Variants in EPS15L1 observed in about 807,000 individuals in gnomAD.
EPS15L1 encodes epidermal growth factor receptor substrate 15-like 1.
A neutral mutation model predicts 117.1 loss-of-function variants in EPS15L1; 43 were observed. The ratio of observed to expected loss-of-function variants is 0.37; its 90% CI spans 0.29 to 0.47. The LOEUF is 0.47. Among genes scored for constraint, EPS15L1 ranks in the 20% least tolerant of loss-of-function variants. The pLI, the probability that EPS15L1 is intolerant of heterozygous loss-of-function variation, is 0.99. For synonymous variants in EPS15L1, 459 were observed against 470.5 expected, an observed-to-expected ratio of 0.98 and a Z score of 0.32; for missense variants, 981 against 1,164.0, an observed-to-expected ratio of 0.84 and a Z score of 2.29.
rs571414297 is a variant in EPS15L1, at chr19:16,451,705, T to A, written c.34-9486A>T. Among the ~76,000 whole-genome samples, 78 of 151,480 alleles carry A rather than the reference T, an allele frequency of 5.1e-4. 2 individuals are homozygous for A. In the South Asian group the frequency reaches 0.016, roughly 30 times the overall value. On this transcript the variant is annotated intron_variant, in intron 1 of 23. Coordinates refer to ENST00000455140, the MANE Select transcript of EPS15L1 (RefSeq NM_001258374.3). ...CACCTCACTCGTCTAATTTTTTGTA[T>A]TTTTTAGTAGAGACAGGGTTTCACC...
chr19:16,431,064 C>G (rs999734315), intron 7 of EPS15L1, among the ~76,000 whole-genome samples: 3 of 151,838 alleles, frequency 2.0e-5, no homozygotes, highest in African/African-American at 7.3e-5. Context: ...CATGGTGAAA[C>G]CCTATCTCTA....
At position 16,404,786 on chromosome 19, in the gene EPS15L1, A is replaced by C; in HGVS notation, c.1267-37T>G. 2.5e-6 allele frequency: 4 copies of C among 1,608,060 alleles called. No individual in the cohort carries two copies. The highest frequency in any genetic ancestry group is 3.4e-6 in the Non-Finnish European group (4 of 1,175,226). On this transcript the variant is annotated intron_variant, in intron 13 of 23. Coordinates refer to ENST00000455140, the MANE Select transcript of EPS15L1 (RefSeq NM_001258374.3). This position sits in a 1 kb window ranked among gnomAD's most constrained non-coding sequence, Gnocchi z 4.2. ...TTGCAGGGGTTTACGTGAGGATGGG[A>C]AAAATGAAGCATGTCCAAGATAACG...
At chr19:16,403,237 C>G (rs376405108) in intron 15 of EPS15L1, among the ~76,000 whole-genome samples, 96 of 152,272 alleles carry the variant, frequency 6.3e-4, no homozygotes, top group African/African-American at 1.1e-3. Context: ...AGCGCCCCCC[C>G]CTGGACTGGG....
At chr19:16,430,426 A>C (rs1277155913) in intron 7 of EPS15L1, among the ~76,000 whole-genome samples, 1 of 152,204 alleles carries the variant, frequency 6.6e-6, no homozygotes, top group Admixed American at 6.5e-5. Flanking sequence ...AACCAAGGTG[A>C]CTTCCCAACC....
At chr19:16,377,836 C>T (rs1281841303) in intron 21 of EPS15L1, among the ~76,000 whole-genome samples, 2 of 152,208 alleles carry the variant, frequency 1.3e-5, no homozygotes, top group Admixed American at 6.5e-5. Flanking sequence ...CCCGGCCACC[C>T]GCACTGGTCA....
intron 16 of EPS15L1, among the ~76,000 whole-genome samples, chr19:16,397,400 T>C (rs2092551812): frequency 6.6e-6 from 1 of 152,176 alleles, no homozygotes; most frequent in Non-Finnish European, 1.5e-5. Context: ...GTTTGTCTAT[T>C]TTACCTGAAA....
chr19:16,406,073 G>A (rs1432784824), intron 13 of EPS15L1, among the ~76,000 whole-genome samples: 3 of 152,154 alleles, frequency 2.0e-5, no homozygotes, highest in Admixed American at 1.3e-4. Flanking sequence ...AGCCATGGCT[G>A]GGTGGTGGGG....
At chr19:16,422,905 C>G (rs891264724) in intron 9 of EPS15L1, among the ~76,000 whole-genome samples, 18 of 147,340 alleles carry the variant, frequency 1.2e-4, no homozygotes, top group African/African-American at 4.6e-4. Flanking sequence ...TTGCAGGGAG[C>G]TGAGATTGTG....
intron 21 of EPS15L1, among the ~76,000 whole-genome samples, chr19:16,384,446 G>T (rs774913181): frequency 1.3e-5 from 2 of 152,096 alleles, no homozygotes; most frequent in Non-Finnish European, 2.9e-5. Flanking sequence ...GTTGTTTTTT[G>T]ACTTGTCCAT....
intron 23 of EPS15L1, among the ~76,000 whole-genome samples, chr19:16,360,732 A>G (rs79385967): frequency 6.2e-4 from 95 of 152,328 alleles, no homozygotes; most frequent in African/African-American, 2.0e-3. Context: ...TGGGCAACAC[A>G]GCGAGACCCT....
At chr19:16,394,691 T>C (rs1174132990) in intron 17 of EPS15L1, among the ~76,000 whole-genome samples, 2 of 152,222 alleles carry the variant, frequency 1.3e-5, no homozygotes, top group Non-Finnish European at 1.5e-5. Context: ...TAGGAATCCA[T>C]GGTTTTCCAG....
intron 13 of EPS15L1, among the ~76,000 whole-genome samples, chr19:16,412,500 A>T (rs920544799): frequency 3.0e-4 from 45 of 150,966 alleles, no homozygotes; most frequent in South Asian, 1.7e-3. Flanking sequence ...CTCCATTTTT[A>T]AAAAAAAAGA....
intron 18 of EPS15L1, among the ~76,000 whole-genome samples, chr19:16,392,755 A>G (rs557663306): frequency 3.0e-4 from 46 of 152,334 alleles, no homozygotes; most frequent in African/African-American, 1.0e-3. Context: ...AATTGACTTT[A>G]AAAATAATAA....
At chr19:16,453,414 G>A (rs1235439989) in intron 1 of EPS15L1, among the ~76,000 whole-genome samples, 1 of 152,126 alleles carries the variant, frequency 6.6e-6, no homozygotes, top group Non-Finnish European at 1.5e-5. Flanking sequence ...AACTTTTAAT[G>A]TGTTTAAAGG....
chr19:16,376,996 C>G (rs1283474569), intron 22 of EPS15L1, 126 bp downstream of exon 22: 10 of 1,255,692 alleles, frequency 8.0e-6, no homozygotes, highest in African/African-American at 1.5e-5. Context: ...CCGGGGGGAC[C>G]CTCTTGCTCC....
At chr19:16,432,923 A>G (rs569965270) in intron 7 of EPS15L1, among the ~76,000 whole-genome samples, 2 of 151,038 alleles carry the variant, frequency 1.3e-5, no homozygotes, top group South Asian at 2.1e-4. Context: ...TCCCACCTCA[A>G]CCTCTAGAGT....
chr19:16,417,946 A>ACCGGG lies in EPS15L1; in HGVS notation c.1104_1107+1dup. 2 of 1,612,090 alleles carry ACCGGG rather than the reference A, an allele frequency of 1.2e-6. No homozygotes were observed. The highest frequency in any genetic ancestry group is 1.7e-6 in the Non-Finnish European group (2 of 1,179,148). Reference sequence around the variant, plus strand: ...CCCCAGGGCATGACCAGCACCACTCACCGGGCCGGGCGTGCCTCTCTCCGA... The same window carrying ACCGGG: ...CCCCAGGGCATGACCAGCACCACTCACCGGGCCGGGCCGGGCGTGCCTCTCTCCGA... On this transcript the variant is annotated splice_donor_variant, in intron 11 of 23. Coordinates refer to ENST00000455140, the MANE Select transcript of EPS15L1 (RefSeq NM_001258374.3). LOFTEE classifies it high-confidence loss of function.
intron 1 of EPS15L1, among the ~76,000 whole-genome samples, chr19:16,467,335 A>C (rs912981466): frequency 1.3e-5 from 2 of 151,880 alleles, no homozygotes; most frequent in Non-Finnish European, 2.9e-5. Flanking sequence ...TTTTTAGTAG[A>C]GATGAGGTTT....
chr19:16,427,077 G>A (rs528712461), intron 8 of EPS15L1, among the ~76,000 whole-genome samples: 52 of 152,224 alleles, frequency 3.4e-4, no homozygotes, highest in African/African-American at 1.2e-3. Flanking sequence ...AAGGGCGAGA[G>A]AGTGATGGAG....
Sources: allele counts gnomAD v4.1 joint callset (sites outside exome capture counted in the v4.1 genomes callset), GRCh38; gene constraint gnomAD v4.1.1; non-coding constraint Gnocchi (gnomAD v3.1); transcripts MANE v1.5; gene names NCBI Gene and HGNC (gene_info 2026-07-23, HGNC 2026-07-21).